NAF1: variants seen among roughly 807,000 people sequenced by gnomAD.
NAF1 encodes H/ACA ribonucleoprotein complex non-core subunit NAF1.
A neutral mutation model predicts 40.6 loss-of-function variants in NAF1; 11 were observed. The ratio of observed to expected loss-of-function variants is 0.27; its 90% CI spans 0.17 to 0.45. The LOEUF (loss-of-function observed/expected upper bound fraction) is 0.45. NAF1 is among the 20% of genes least tolerant of loss of function. The probability of loss-of-function intolerance (pLI) is 1.00; values close to 1 mark genes in which losing one functional copy is unlikely to be tolerated. For missense variants in NAF1, 607 were observed against 611.1 expected, an observed-to-expected ratio of 0.99 and a Z score of 0.07; for synonymous variants, 260 against 228.5, an observed-to-expected ratio of 1.14 and a Z score of -1.24.
intron 4 of NAF1, among the ~76,000 whole-genome samples, chr4:163,142,466 A>G (rs1731298685): frequency 6.6e-6 from 1 of 152,224 alleles, no homozygotes; most frequent in Non-Finnish European, 1.5e-5. Flanking sequence ...TTCCTTGCCA[A>G]CTTCAGGTCT....
rs764296893 is a variant in NAF1, at chr4:163,111,870, A to G, written c.115-1580T>C. On this transcript the variant is annotated intron_variant, in intron 2 of 2. Coordinates refer to the NAF1 transcript ENST00000509434. Reference sequence around the variant, plus strand: ...ATGTCCTGGAAGCCAAGTGGGAAACATTTTAAGGAGTAGAAAATTTTATCA... The same window carrying G: ...ATGTCCTGGAAGCCAAGTGGGAAACGTTTTAAGGAGTAGAAAATTTTATCA... Among the ~76,000 whole-genome samples, 79 of 152,168 alleles carry G rather than the reference A, an allele frequency of 5.2e-4. 1 individual carries two copies. The highest frequency in any genetic ancestry group is 6.5e-4 in the Non-Finnish European group (44 of 68,022).
At chr4:163,110,389 A>C in intron 2 of NAF1, 1 of 640,196 alleles carries the variant, frequency 1.6e-6, no homozygotes. Flanking sequence ...CTATTGTATT[A>C]TTAGTTGTTG....
At chr4:163,110,916 C>T (rs1395546919) in intron 2 of NAF1, among the ~76,000 whole-genome samples, 1 of 152,068 alleles carries the variant, frequency 6.6e-6, no homozygotes, top group Non-Finnish European at 1.5e-5. Flanking sequence ...GATAGAGCTG[C>T]TTGAGTTTTG....
chr4:163,147,813 G>A (rs1731532776), intron 3 of NAF1, among the ~76,000 whole-genome samples: 1 of 152,180 alleles, frequency 6.6e-6, no homozygotes, highest in African/African-American at 2.4e-5. Context: ...TGGTTAGAGT[G>A]AGGTGAGATA....
chr4:163,151,115 A>C (rs1731684324), intron 2 of NAF1, among the ~76,000 whole-genome samples: 1 of 151,956 alleles, frequency 6.6e-6, no homozygotes, highest in African/African-American at 2.4e-5. Context: ...ATAAAAAAAA[A>C]ACCTTTGGAT....
At chr4:163,165,941 C>A (rs1484823115) in intron 1 of NAF1, among the ~76,000 whole-genome samples, 3 of 151,990 alleles carry the variant, frequency 2.0e-5, no homozygotes, top group Non-Finnish European at 4.4e-5. Flanking sequence ...TTCCTGATCC[C>A]CAATGTATGT....
At chr4:163,153,651 GATGGGGAC>G (rs1186125417) in intron 2 of NAF1, among the ~76,000 whole-genome samples, 2 of 152,192 alleles carry the variant, frequency 1.3e-5, no homozygotes, top group Non-Finnish European at 2.9e-5. Flanking sequence ...TAACTAATCT[GATGGGGAC>G]ATGGAGAACC....
At chr4:163,110,832 G>C (rs960693342) in intron 2 of NAF1, among the ~76,000 whole-genome samples, 3 of 151,934 alleles carry the variant, frequency 2.0e-5, no homozygotes, top group African/African-American at 7.3e-5. Context: ...TTTAGTCTTA[G>C]GAACCTGGAA....
At position 163,145,832 on chromosome 4, in the gene NAF1, C is replaced by T. The variant is rs1731441935; in HGVS notation, c.667G>A (p.Val223Ile). 1 of 1,583,126 alleles carries T rather than the reference C, an allele frequency of 6.3e-7. No individual in the cohort carries two copies. The highest frequency in any genetic ancestry group is 2.3e-5 in the East Asian group (1 of 44,154). ...IIESMTNLPP[V>I]NEETVIFKSD... Reference sequence around the variant, plus strand: ...TTAAAAATTACAGTCTCCTCATTAACTGGAGGTAGGTTAGTCATAGATTCA... The same window carrying T: ...TTAAAAATTACAGTCTCCTCATTAATTGGAGGTAGGTTAGTCATAGATTCA... The change falls in exon 4 of 8, where the codon GTT (valine) becomes ATT (isoleucine). Residue 223 changes from valine to isoleucine, a missense_variant. Physicochemically the swap from Val to Ile is conservative, Grantham distance 29 (BLOSUM62 3). Around this residue, in one of 3 missense-constraint regions of NAF1, gnomAD observed 407 missense variants for 365.5 expected, o/e 1.11. Transcript: ENST00000274054.
chr4:163,155,160 G>C (rs117398560), intron 2 of NAF1, among the ~76,000 whole-genome samples: 2 of 152,168 alleles, frequency 1.3e-5, no homozygotes, highest in Non-Finnish European at 2.9e-5. Flanking sequence ...TTAATCTACT[G>C]TATCACTACC....
intron 6 of NAF1, among the ~76,000 whole-genome samples, chr4:163,133,802 T>C (rs1227535847): frequency 6.6e-6 from 1 of 152,160 alleles, no homozygotes; most frequent in Admixed American, 6.5e-5. Context: ...GATAAAACCA[T>C]AGGCAAAAGC....
intron 2 of NAF1, among the ~76,000 whole-genome samples, chr4:163,152,673 A>C (rs1243804614): frequency 6.6e-6 from 1 of 152,234 alleles, no homozygotes; most frequent in East Asian, 1.9e-4. Flanking sequence ...CTGAGAGGTG[A>C]CAGCGTGCTG....
downstream of NAF1, among the ~76,000 whole-genome samples, chr4:163,123,322 G>A (rs185491030): frequency 1.3e-5 from 2 of 152,324 alleles, no homozygotes; most frequent in African/African-American, 2.4e-5. Context: ...ACACCTCCAC[G>A]AGGATCACAT....
intron 2 of NAF1, among the ~76,000 whole-genome samples, chr4:163,151,186 C>A (rs1372061192): frequency 6.6e-6 from 1 of 151,866 alleles, no homozygotes. Flanking sequence ...TACCCCACAG[C>A]ATGTTTTTTA....
At chr4:163,134,772 T>C (rs553896402) in intron 6 of NAF1, among the ~76,000 whole-genome samples, 170 of 151,866 alleles carry the variant, frequency 1.1e-3, no homozygotes, top group Non-Finnish European at 1.9e-3. Flanking sequence ...AAAAGAAAAA[T>C]GGTTCTGAAA....
At chr4:163,116,824 C>T (rs1342543065) in intron 2 of NAF1, among the ~76,000 whole-genome samples, 2 of 151,992 alleles carry the variant, frequency 1.3e-5, no homozygotes, top group Non-Finnish European at 2.9e-5. Flanking sequence ...TTTTCAGGGA[C>T]GACCACCCTA....
chr4:163,141,823 T>C (rs1731273039), intron 4 of NAF1: 1 of 403,736 alleles, frequency 2.5e-6, no homozygotes, highest in East Asian at 1.6e-4. Flanking sequence ...GGCTGTTTTA[T>C]CACATCCTCA....
downstream of NAF1, among the ~76,000 whole-genome samples, chr4:163,121,916 C>A (rs1256089808): frequency 6.6e-6 from 1 of 152,188 alleles, no homozygotes; most frequent in African/African-American, 2.4e-5. Context: ...TGATTTGAGT[C>A]ATCCAGAGGT....
the NAF1 span, among the ~76,000 whole-genome samples, chr4:163,104,957 A>C: frequency 6.6e-6 from 1 of 152,206 alleles, no homozygotes; most frequent in Non-Finnish European, 1.5e-5. Flanking sequence ...AACCAAACCA[A>C]AACAAAACCA....
Sources: allele counts gnomAD v4.1 joint callset (sites outside exome capture counted in the v4.1 genomes callset), GRCh38; gene constraint gnomAD v4.1.1; regional missense constraint gnomAD v4.1.1; transcripts MANE v1.5; gene names NCBI Gene and HGNC (gene_info 2026-07-23, HGNC 2026-07-21).